The following CATSPER3 variants were observed in gnomAD, a reference collection of about 807,000 sequenced individuals.
The protein encoded by CATSPER3 is cation channel sperm associated 3.
In CATSPER3, 23 loss-of-function variants were observed where a neutral mutation model predicts 36.6. The ratio of observed to expected loss-of-function variants is 0.63; its 90% CI spans 0.45 to 0.89. CATSPER3 has a LOEUF of 0.89. Ranked by LOEUF, CATSPER3 falls within the 40% of genes least tolerant of loss-of-function variation. The probability of loss-of-function intolerance (pLI) is 0.00; values close to 1 mark genes in which losing one functional copy is unlikely to be tolerated. For synonymous variants in CATSPER3, 172 were observed against 184.1 expected (o/e 0.93, Z 0.53); for missense variants, 474 against 503.9 (o/e 0.94, Z 0.57).
intron 2 of CATSPER3, among the ~76,000 whole-genome samples, chr5:134,986,195 A>AT (rs1751806354): frequency 6.6e-6 from 1 of 150,668 alleles, no homozygotes; most frequent in South Asian, 2.1e-4. Context: ...CCCAGGCTGG[A>AT]GTGCAATGGC....
intron 2 of CATSPER3, among the ~76,000 whole-genome samples, chr5:134,981,265 C>T (rs1751748019): frequency 6.6e-6 from 1 of 151,996 alleles, no homozygotes; most frequent in Admixed American, 6.6e-5. Flanking sequence ...CCCAGGCAGG[C>T]AGATCACTTG....
chr5:134,970,973 G>A (rs1254954097), intron 2 of CATSPER3, among the ~76,000 whole-genome samples: 3 of 151,632 alleles, frequency 2.0e-5, no homozygotes, highest in Non-Finnish European at 4.4e-5. Flanking sequence ...GTTTTGAGAC[G>A]AAGTCTCGCT....
intron 3 of CATSPER3, among the ~76,000 whole-genome samples, chr5:135,005,742 C>T (rs299375): frequency 0.92 from 139,498 of 152,338 alleles, 64,030 homozygotes; most frequent in East Asian, 1. Context: ...TGAGGAAATG[C>T]TGTTTTGCAC....
At chr5:134,971,952 A>T (rs1215613754) in intron 2 of CATSPER3, among the ~76,000 whole-genome samples, 1 of 152,242 alleles carries the variant, frequency 6.6e-6, no homozygotes. Flanking sequence ...CTAAAAGCTC[A>T]AGAAAACAAA....
rs1184189453 is a variant in CATSPER3, at chr5:135,009,000, G to T, written c.816+19G>T. The T allele has an allele frequency of 1.2e-6, 2 of 1,613,974 alleles. No individual in the cohort carries two copies. The highest frequency in any genetic ancestry group is 1.7e-5 in the Admixed American group (1 of 60,022). ...CACAGAGGTGAGGCCACACCTGTGA[G>T]GATCGGAGGTCAGGGCAGGTGTGGC... is the stretch of plus-strand genomic sequence containing the variant. On this transcript the variant is annotated intron_variant, in intron 5 of 7. Coordinates refer to ENST00000282611, the MANE Select transcript of CATSPER3 (RefSeq NM_178019.3).
intron 6 of CATSPER3, 26 bp from the exon 7 acceptor site, chr5:135,010,347 C>A: frequency 6.2e-7 from 1 of 1,610,150 alleles, no homozygotes; most frequent in South Asian, 1.1e-5. Flanking sequence ...CTCATCACTG[C>A]TCTCTCGTTA....
At chr5:134,993,609 TC>T (rs1353937422) in intron 2 of CATSPER3, among the ~76,000 whole-genome samples, 5 of 152,090 alleles carry the variant, frequency 3.3e-5, no homozygotes, top group African/African-American at 1.2e-4. Context: ...ACGGTAGATA[TC>T]AGAAGTCTAA....
chr5:135,008,804 G>C, intron 4 of CATSPER3, 37 bp from the exon 5 acceptor site: 1 of 1,606,268 alleles, frequency 6.2e-7, no homozygotes, highest in Non-Finnish European at 8.5e-7. Context: ...GTGCCACTGG[G>C]TCTGGGCCCT....
intron 2 of CATSPER3, among the ~76,000 whole-genome samples, chr5:134,994,596 C>T (rs771326314): frequency 5.9e-5 from 9 of 152,182 alleles, no homozygotes; most frequent in Admixed American, 5.2e-4. Context: ...ATAAAACATA[C>T]AAGAATTGTT....
Position 135,008,969 on chromosome 5 carries a change from C to A in CATSPER3, c.804C>A (p.Ile268=). The change falls in exon 5 of 8, where the codon ATC becomes ATA. Residue 268 remains isoleucine (I), a synonymous_variant. Coordinates refer to ENST00000282611, the MANE Select transcript of CATSPER3 (RefSeq NM_178019.3). ...TCAACATGTTCGTGGGTGTGATGAT[C>A]ATGCACACAGAGGTGAGGCCACACC... ...IFLNMFVGVM[I]MHTEDSIRKF... is the part of the protein sequence containing the mutation. 6.2e-7 allele frequency: 1 copy of A among 1,614,048 alleles called. No individual in the cohort carries two copies. The highest frequency in any genetic ancestry group is 8.5e-7 in the Non-Finnish European group (1 of 1,179,992).
chr5:134,969,766 A>G, intron 1 of CATSPER3, 173 bp from the exon 2 acceptor site: 1 of 693,086 alleles, frequency 1.4e-6, no homozygotes, highest in South Asian at 1.7e-5. Flanking sequence ...CATGATCATC[A>G]TATATATGTC....
At chr5:135,005,548 C>T (rs958268108) in intron 3 of CATSPER3, among the ~76,000 whole-genome samples, 1 of 152,174 alleles carries the variant, frequency 6.6e-6, no homozygotes, top group African/African-American at 2.4e-5. Flanking sequence ...GGGAGCTGGA[C>T]CTGCCCATGG....
At chr5:134,993,006 T>G (rs1317849424) in intron 2 of CATSPER3, among the ~76,000 whole-genome samples, 1 of 152,220 alleles carries the variant, frequency 6.6e-6, no homozygotes, top group Non-Finnish European at 1.5e-5. Flanking sequence ...GGAAGCAGCC[T>G]AAATGCCCAT....
At chr5:135,001,033 A>G (rs567110678) in intron 3 of CATSPER3, among the ~76,000 whole-genome samples, 216 of 151,970 alleles carry the variant, frequency 1.4e-3, no homozygotes, top group Non-Finnish European at 2.7e-3. Context: ...TCAATTTTAG[A>G]TCTTTCCTGC....
intron 6 of CATSPER3, among the ~76,000 whole-genome samples, 185 bp downstream of exon 6, chr5:135,009,675 G>A (rs1473937037): frequency 7.2e-5 from 1 of 13,878 alleles, no homozygotes; most frequent in Non-Finnish European, 1.2e-4. Flanking sequence ...CGGCATTTTT[G>A]TGTTTCTCTG....
intron 2 of CATSPER3, among the ~76,000 whole-genome samples, chr5:134,979,776 T>C (rs1482417760): frequency 6.6e-6 from 1 of 152,186 alleles, no homozygotes; most frequent in Non-Finnish European, 1.5e-5. Context: ...ACCTAAGGTC[T>C]CAAGATTTCA....
intron 2 of CATSPER3, among the ~76,000 whole-genome samples, chr5:134,990,295 T>C (rs931697446): frequency 6.6e-6 from 1 of 152,142 alleles, no homozygotes; most frequent in Non-Finnish European, 1.5e-5. Flanking sequence ...ATTCAACATA[T>C]GTAAGATGAA....
intron 2 of CATSPER3, among the ~76,000 whole-genome samples, chr5:134,988,464 C>CCCT (rs1250575176): frequency 3.9e-5 from 6 of 152,236 alleles, no homozygotes; most frequent in Non-Finnish European, 7.3e-5. Context: ...TCCTCTCAAA[C>CCCT]CCTGCCACTG....
intron 5 of CATSPER3, 27 bp downstream of exon 5, chr5:135,009,008 G>A: frequency 6.2e-7 from 1 of 1,613,918 alleles, no homozygotes; most frequent in Non-Finnish European, 8.5e-7. Context: ...GAGGATCGGA[G>A]GTCAGGGCAG....
Sources: gnomAD v4.1 joint callset for allele counts (sites outside exome capture counted in the v4.1 genomes callset) on GRCh38, gnomAD v4.1.1 for gene constraint, MANE v1.5 for transcripts, NCBI Gene and HGNC (gene_info 2026-07-23, HGNC 2026-07-21) for gene names.